The following TAFA2 variants were observed in gnomAD, a reference collection of about 807,000 sequenced individuals.
TAFA2 encodes the protein chemokine-like protein TAFA-2.
In TAFA2, 7 loss-of-function variants were observed where a neutral mutation model predicts 18.8. That is an observed-to-expected ratio of 0.37 (90% CI 0.21 to 0.70). The LOEUF is 0.70. TAFA2 is among the 30% of genes least tolerant of loss of function. The pLI is 0.53. For synonymous variants in TAFA2, 60 were observed against 54.2 expected (o/e 1.11, Z -0.47); for missense variants, 122 against 158.1 (o/e 0.77, Z 1.23).
At chr12:62,158,695 A>G (rs2136927669) in intron 1 of TAFA2, among the ~76,000 whole-genome samples, 1 of 152,340 alleles carries the variant, frequency 6.6e-6, no homozygotes, top group Non-Finnish European at 1.5e-5. Flanking sequence ...ACTGATCTTA[A>G]TTTGAACAAG....
At chr12:61,978,510 C>T (rs1879515630) in intron 1 of TAFA2, among the ~76,000 whole-genome samples, 2 of 152,126 alleles carry the variant, frequency 1.3e-5, no homozygotes, top group South Asian at 2.1e-4. Flanking sequence ...CATACACCTA[C>T]ATCAGACAGA....
At chr12:62,007,487 T>C (rs1565713631) in intron 1 of TAFA2, among the ~76,000 whole-genome samples, 1 of 152,198 alleles carries the variant, frequency 6.6e-6, no homozygotes, top group South Asian at 2.1e-4. Flanking sequence ...ACCTAGTTCA[T>C]AGTAGGTCAT....
chr12:61,762,691 T>C (rs79793554), intron 2 of TAFA2, among the ~76,000 whole-genome samples: 1 of 151,376 alleles, frequency 6.6e-6, no homozygotes, highest in South Asian at 2.1e-4. Context: ...GAGATGCCTA[T>C]AAAAAAATCA....
At chr12:61,939,743 C>G (rs1343347596) in intron 1 of TAFA2, among the ~76,000 whole-genome samples, 2 of 152,202 alleles carry the variant, frequency 1.3e-5, no homozygotes, top group Non-Finnish European at 2.9e-5. Flanking sequence ...GGCTGCCTCT[C>G]TTCACGTGAC....
At chr12:61,915,432 A>C (rs1876782314) in intron 1 of TAFA2, among the ~76,000 whole-genome samples, 1 of 152,208 alleles carries the variant, frequency 6.6e-6, no homozygotes, top group Admixed American at 6.5e-5. Flanking sequence ...GTTCTGAGCC[A>C]TGTGTATTAG....
chr12:61,904,230 C>T (rs886359409), intron 1 of TAFA2, among the ~76,000 whole-genome samples: 1 of 152,066 alleles, frequency 6.6e-6, no homozygotes, highest in Non-Finnish European at 1.5e-5. Context: ...GTGCAGCCAC[C>T]GTACCAGGTT....
intron 1 of TAFA2, among the ~76,000 whole-genome samples, chr12:62,032,409 T>C (rs1342979079): frequency 6.6e-6 from 1 of 152,106 alleles, no homozygotes; most frequent in African/African-American, 2.4e-5. Flanking sequence ...CTGACAAGAG[T>C]TCTGAGGACT....
chr12:61,880,101 T>A (rs545048626), intron 1 of TAFA2: 1 of 630,152 alleles, frequency 1.6e-6, no homozygotes, highest in South Asian at 1.6e-5. Flanking sequence ...GACAACATCA[T>A]CACTGAGGTC....
At chr12:61,831,991 T>C (rs2121094448) in intron 2 of TAFA2, among the ~76,000 whole-genome samples, 1 of 152,214 alleles carries the variant, frequency 6.6e-6, no homozygotes, top group East Asian at 1.9e-4. Flanking sequence ...AATATATAAA[T>C]AATTTTATCA....
rs564985508 is a variant in TAFA2, at chr12:62,093,688, A to G, written c.-2+97571T>C. On this transcript the variant is annotated intron_variant, in intron 1 of 4. Coordinates refer to ENST00000416284, the MANE Select transcript of TAFA2 (RefSeq NM_178539.5). Reference sequence around the variant, plus strand: ...GTCATATGCTCAGAACATTTTTGGAACTCCATCTTCAAAAACAGCACCAAA... The same window carrying G: ...GTCATATGCTCAGAACATTTTTGGAGCTCCATCTTCAAAAACAGCACCAAA... Among the ~76,000 whole-genome samples, 4 of 152,082 alleles carry G rather than the reference A, an allele frequency of 2.6e-5. No homozygotes were observed. In the South Asian group the frequency reaches 6.2e-4, roughly 24 times the overall value.
Position 61,986,353 on chromosome 12 carries a change from G to A in TAFA2, c.-1-118927C>T, listed in dbSNP as rs191579686. 2.6e-3 allele frequency among the ~76,000 whole-genome samples: 397 copies of A among 150,370 alleles called. 2 individuals are homozygous for A. The highest frequency in any genetic ancestry group is 9.2e-3 in the African/African-American group (377 of 40,836). ...TAATTTTTGTATTTTTAGTAGAGAC[G>A]GGGTTTTGCCATGCTGGCCAGGCTG... On this transcript the variant is annotated intron_variant, in intron 1 of 4. Coordinates refer to ENST00000416284, the MANE Select transcript of TAFA2 (RefSeq NM_178539.5).
At chr12:61,839,809 A>C (rs73308230) in intron 2 of TAFA2, among the ~76,000 whole-genome samples, 3,102 of 152,154 alleles carry the variant, frequency 0.02, 89 homozygotes, top group African/African-American at 0.07. Flanking sequence ...TTAGAAGTCC[A>C]AACGCAATAT....
chr12:62,068,162 C>T (rs1882540463), intron 1 of TAFA2, among the ~76,000 whole-genome samples: 1 of 151,796 alleles, frequency 6.6e-6, no homozygotes, highest in Non-Finnish European at 1.5e-5. Flanking sequence ...AAAATACAAA[C>T]TCTAACACAA....
intron 1 of TAFA2, among the ~76,000 whole-genome samples, chr12:62,016,518 C>CTCTGTCTGAACACTCCA (rs1322644404): frequency 6.6e-6 from 1 of 152,164 alleles, no homozygotes; most frequent in East Asian, 1.9e-4. Flanking sequence ...AAAATGTTAA[C>CTCTGTCTGAACACTCCA]TCTGTCTGAA....
At chr12:62,141,505 A>C (rs985084567) in intron 1 of TAFA2, among the ~76,000 whole-genome samples, 1 of 152,198 alleles carries the variant, frequency 6.6e-6, no homozygotes, top group Non-Finnish European at 1.5e-5. Context: ...GATAAACCTC[A>C]GACTTGCTAT....
chr12:61,712,426 C>CAA (rs1565746010), intron 4 of TAFA2, among the ~76,000 whole-genome samples: 1 of 151,980 alleles, frequency 6.6e-6, no homozygotes, highest in African/African-American at 2.4e-5. Context: ...AAGTATAATA[C>CAA]AAAAGGCTTA....
At chr12:62,038,136 A>C (rs1881658976) in intron 1 of TAFA2, among the ~76,000 whole-genome samples, 1 of 152,166 alleles carries the variant, frequency 6.6e-6, no homozygotes, top group Admixed American at 6.6e-5. Context: ...AAAACAGACA[A>C]AGTAGCAGAT....
rs540224739 is a variant in TAFA2, at chr12:61,743,224, T to C, written c.384+10398A>G. On this transcript the variant is annotated intron_variant, in intron 4 of 4. Coordinates refer to ENST00000416284, the MANE Select transcript of TAFA2 (RefSeq NM_178539.5). ...TCATATAAGCTGTTTTTTGTTTTGA[T>C]AGCTTGATGTAGACAACTCTGCGAA... Among the ~76,000 whole-genome samples the C allele has an allele frequency of 2.0e-5, 3 of 152,134 alleles. No homozygotes were observed. The South Asian group carries it at 6.2e-4, about 32-fold the overall frequency.
At chr12:62,103,181 C>T (rs570115628) in intron 1 of TAFA2, among the ~76,000 whole-genome samples, 45 of 152,304 alleles carry the variant, frequency 3.0e-4, no homozygotes, top group African/African-American at 7.9e-4. Context: ...CTGGAGGAAA[C>T]GTTGACCAAA....
Sources: gnomAD v4.1 joint callset for allele counts (sites outside exome capture counted in the v4.1 genomes callset) on GRCh38, gnomAD v4.1.1 for gene constraint, MANE v1.5 for transcripts, NCBI Gene and HGNC (gene_info 2026-07-23, HGNC 2026-07-21) for gene names.